Variants in WRAP73 observed in about 807,000 individuals in gnomAD.
The protein encoded by WRAP73 is WD repeat-containing protein WRAP73.
In WRAP73, 55 loss-of-function variants were observed where a neutral mutation model predicts 59.6. The ratio of observed to expected loss-of-function variants is 0.92; its 90% CI spans 0.74 to 1.15. The LOEUF (loss-of-function observed/expected upper bound fraction) is 1.15, where lower values mean the gene tolerates loss of function less well. Among genes scored for constraint, WRAP73 ranks in the 50% most tolerant of loss-of-function variants. WRAP73 has a pLI of 0.00. For missense variants in WRAP73, 592 were observed against 608.1 expected (o/e 0.97, Z 0.28); for synonymous variants, 265 against 258.2 (o/e 1.03, Z -0.25).
In WRAP73 at chr1:3,650,062, G is replaced by A. The variant is rs1261708428; in HGVS notation, c.-63C>T. On this transcript the variant is annotated 5_prime_UTR_variant, in exon 1 of 12. Transcript: ENST00000270708. ...AACCCGCGGGACCCCTGGGCGCGCAGCAGGCTGCAACAGCCGACGCCGGCC... is the reference window on the plus strand; with the variant it reads ...AACCCGCGGGACCCCTGGGCGCGCAACAGGCTGCAACAGCCGACGCCGGCC... 11 of 448,892 alleles carry A rather than the reference G, an allele frequency of 2.5e-5. No individual in the cohort carries two copies. In the East Asian group the frequency reaches 8.0e-4, roughly 33 times the overall value. 27.8% of individuals were successfully genotyped at this position (448,892 alleles called of 1,614,324 possible). A position where few individuals can be genotyped will look rare whatever the true frequency, so the allele number is the denominator to read the frequency against.
chr1:3,638,935 G>A (rs1426556530), intron 3 of WRAP73, 113 bp from the exon 4 acceptor site: 1 of 1,119,356 alleles, frequency 8.9e-7, no homozygotes, highest in Non-Finnish European at 1.3e-6. Flanking sequence ...TGCTGGAGTG[G>A]ATCTATCAGG....
chr1:3,649,257 A>G (rs1644717519), intron 1 of WRAP73, among the ~76,000 whole-genome samples: 5 of 152,346 alleles, frequency 3.3e-5, no homozygotes, highest in South Asian at 2.1e-4. Context: ...TCTGCCACCC[A>G]TGGAACGAAG....
intron 1 of WRAP73, among the ~76,000 whole-genome samples, chr1:3,649,650 C>CG (rs1034407369): frequency 2.0e-5 from 3 of 150,994 alleles, no homozygotes; most frequent in Non-Finnish European, 2.9e-5. Flanking sequence ...GCCTGGGCCC[C>CG]GCACCTGCTT....
intron 3 of WRAP73, among the ~76,000 whole-genome samples, chr1:3,641,250 A>C (rs529517043): frequency 2.0e-5 from 3 of 147,236 alleles, no homozygotes; most frequent in Admixed American, 1.3e-4. Flanking sequence ...AGTGTGCTGA[A>C]GACGGAAGGA....
chr1:3,642,169 C>A (rs192802604), intron 3 of WRAP73, among the ~76,000 whole-genome samples: 1 of 152,186 alleles, frequency 6.6e-6, no homozygotes, highest in Non-Finnish European at 1.5e-5. Flanking sequence ...GGAAGGATTG[C>A]GTGAGTTTAG....
At chr1:3,643,625 G>C (rs1353645433) in intron 3 of WRAP73, among the ~76,000 whole-genome samples, 7 of 142,998 alleles carry the variant, frequency 4.9e-5, no homozygotes, top group African/African-American at 1.5e-4. Flanking sequence ...GCTGAGCCCC[G>C]GACATGGGGT....
intron 11 of WRAP73, 46 bp downstream of exon 11, chr1:3,631,420 G>A: frequency 2.6e-6 from 4 of 1,547,138 alleles, no homozygotes; most frequent in Non-Finnish European, 3.5e-6. Flanking sequence ...ATGCCAGACT[G>A]CACACAGCAA....
chr1:3,633,566 T>C, intron 8 of WRAP73, 63 bp from the exon 9 acceptor site: 1 of 1,326,264 alleles, frequency 7.5e-7, no homozygotes, highest in Non-Finnish European at 1.0e-6. Context: ...AGGATGGACG[T>C]GGCAAATGCC....
chr1:3,631,245 C>G (rs928959815), intron 11 of WRAP73, 128 bp from the exon 12 acceptor site: 2 of 1,473,282 alleles, frequency 1.4e-6, no homozygotes, highest in African/African-American at 2.8e-5. Flanking sequence ...CAGGGTGGAG[C>G]CCCAGAGCTG....
chr1:3,650,087 C>T lies in WRAP73; in HGVS notation c.-88G>A. 2 of 1,370,522 alleles carry T rather than the reference C, an allele frequency of 1.5e-6. No homozygotes were observed. The highest frequency in any genetic ancestry group is 2.8e-5 in the East Asian group (1 of 35,754). The allele number at this position is 1,370,522 out of a possible 1,614,324, so 84.9% of individuals were successfully genotyped here. A position where few individuals can be genotyped will look rare whatever the true frequency, so the allele number is the denominator to read the frequency against. On this transcript the variant is annotated 5_prime_UTR_variant, in exon 1 of 12. Coordinates refer to ENST00000270708, the MANE Select transcript of WRAP73 (RefSeq NM_017818.4). ...GCAGGCTGCAACAGCCGACGCCGGCCTCCGAGGCCGGAAGTCAGAAGGCGG... is the reference window on the plus strand; with the variant it reads ...GCAGGCTGCAACAGCCGACGCCGGCTTCCGAGGCCGGAAGTCAGAAGGCGG...
rs1165548530 is a variant in WRAP73 at position 3,639,204 on chromosome 1, G to A, written c.340-382C>T. The A allele has an allele frequency of 1.9e-5, 4 of 207,124 alleles. No homozygotes were observed. In the East Asian group the frequency reaches 6.6e-4, roughly 34 times the overall value. 12.8% of individuals were successfully genotyped at this position (207,124 alleles called of 1,614,324 possible). On this transcript the variant is annotated intron_variant, in intron 3 of 11. Coordinates refer to ENST00000270708, the MANE Select transcript of WRAP73 (RefSeq NM_017818.4). The surrounding 1 kb of genome is among the most constrained non-coding windows in gnomAD (Gnocchi z 4.3). ...CAGTCTCCTTTATGGGAAGACAGAG[G>A]ATCTGGAGATTGGATGCAGCCACTC...
intron 8 of WRAP73, chr1:3,633,897 C>T (rs1015459434): frequency 2.4e-4 from 41 of 173,852 alleles, no homozygotes; most frequent in African/African-American, 9.8e-4. Context: ...GAGGTGGGGG[C>T]ATCTGTGCCC....
At chr1:3,632,505 G>T (rs1045151268) in intron 9 of WRAP73, 167 bp from the exon 10 acceptor site, 2 of 1,057,946 alleles carry the variant, frequency 1.9e-6, no homozygotes, top group Non-Finnish European at 2.7e-6. Flanking sequence ...CCTGGCAGCC[G>T]CAGCGAGGGG....
chr1:3,638,850 G>C (rs1190493831), intron 3 of WRAP73, 28 bp from the exon 4 acceptor site: 1 of 1,612,034 alleles, frequency 6.2e-7, no homozygotes, highest in Non-Finnish European at 8.5e-7. Context: ...AAAGAGAAAG[G>C]AAACACTTCT....
Position 3,646,189 on chromosome 1 carries a change from C to A in WRAP73, c.339+477G>T, listed in dbSNP as rs1644689853. Among the ~76,000 whole-genome samples, 1 of 152,198 alleles carries A rather than the reference C, an allele frequency of 6.6e-6. No homozygotes were observed. The highest frequency in any genetic ancestry group is 1.5e-5 in the Non-Finnish European group (1 of 68,034). On this transcript the variant is annotated intron_variant, in intron 3 of 11. Transcript: ENST00000270708. This position sits in a 1 kb window ranked among gnomAD's most constrained non-coding sequence, Gnocchi z 5.1. ...GCAGACAGTGCCTGTGTTCACGACA[C>A]CCTTATCTGACTCAGTAGCAGCCCA... is the stretch of plus-strand genomic sequence containing the variant.
rs1304816445 is a variant in WRAP73 at position 3,646,500 on chromosome 1, C to T, written c.339+166G>A. 6.6e-6 allele frequency among the ~76,000 whole-genome samples: 1 copy of T among 152,176 alleles called. No homozygotes were observed. The highest frequency in any genetic ancestry group is 2.4e-5 in the African/African-American group (1 of 41,434). The stretch of plus-strand genomic sequence containing the variant: ...TGTATAGGAAAAAACACAGGAAATA[C>T]AGGGTTTGGTACAATCTGAATCCCC... On this transcript the variant is annotated intron_variant, in intron 3 of 11. Coordinates refer to ENST00000270708, the MANE Select transcript of WRAP73 (RefSeq NM_017818.4). The surrounding 1 kb of genome is among the most constrained non-coding windows in gnomAD (Gnocchi z 5.1).
chr1:3,645,372 TGGTGTGCGTGGCGCAGCGGGACGG>T lies in WRAP73; in HGVS notation c.339+1270_339+1293del, dbSNP rs1644679380. Reference sequence around the variant, plus strand: ...GCAGCGGGATGGGCGGGTTGCCCCGTGGTGTGCGTGGCGCAGCGGGACGGGCGGGTTGCCCCGTGGTGTGCGCGG... The same window carrying T: ...GCAGCGGGATGGGCGGGTTGCCCCGTGCGGGTTGCCCCGTGGTGTGCGCGG... On this transcript the variant is annotated intron_variant, in intron 3 of 11. Coordinates refer to ENST00000270708, the MANE Select transcript of WRAP73 (RefSeq NM_017818.4). Among the ~76,000 whole-genome samples, 5 of 98,640 alleles carry T rather than the reference TGGTGTGCGTGGCGCAGCGGGACGG, an allele frequency of 5.1e-5. 1 individual carries two copies. Among genetic ancestry groups the T allele is most frequent in the Admixed American group, 2.9e-4 (3 of 10,202 alleles). The allele number at this position is 98,640 out of a possible 152,430, so 64.7% of individuals were successfully genotyped here. A position where few individuals can be genotyped will look rare whatever the true frequency, so the allele number is the denominator to read the frequency against.
In WRAP73 at chr1:3,646,389, G is replaced by A. The variant is rs1279203758; in HGVS notation, c.339+277C>T. Among the ~76,000 whole-genome samples, 1 of 152,166 alleles carries A rather than the reference G, an allele frequency of 6.6e-6. No individual in the cohort carries two copies. Among genetic ancestry groups the A allele is most frequent in the African/African-American group, 2.4e-5 (1 of 41,436 alleles). On this transcript the variant is annotated intron_variant, in intron 3 of 11. Coordinates refer to ENST00000270708, the MANE Select transcript of WRAP73 (RefSeq NM_017818.4). This position sits in a 1 kb window ranked among gnomAD's most constrained non-coding sequence, Gnocchi z 5.1. ...TCTTCTATCCATGCAATTATAAACA[G>A]TATATTGTTATCCTTGTTCTATACT...
In WRAP73 at chr1:3,649,950, G is replaced by A; in HGVS notation, c.50C>T (p.Ser17Phe). Residue 17 changes from serine to phenylalanine, a missense_variant, in exon 1 of 12, where the codon TCC becomes TTC. Physicochemically the swap from Ser to Phe is radical, Grantham distance 155. Transcript: ENST00000270708. ...FKLSSLLCKF[S>F]PDGKYLASCV... ...GCTCACCAGGTACTTGCCGTCCGGG[G>A]AGAACTTGCAGAGTAAGCTGGAGAG... 6.2e-7 allele frequency: 1 copy of A among 1,603,794 alleles called. No individual in the cohort carries two copies. Among genetic ancestry groups the A allele is most frequent in the Non-Finnish European group, 8.5e-7 (1 of 1,176,376 alleles).
Sources: allele counts gnomAD v4.1 joint callset (sites outside exome capture counted in the v4.1 genomes callset), GRCh38; gene constraint gnomAD v4.1.1; non-coding constraint Gnocchi (gnomAD v3.1); transcripts MANE v1.5; gene names NCBI Gene and HGNC (gene_info 2026-07-23, HGNC 2026-07-21).